The following CD59 variants were observed in gnomAD, a reference collection of about 807,000 sequenced individuals.
CD59 encodes CD59 molecule (CD59 blood group), also known as CD59 glycoprotein.
A neutral mutation model predicts 7.0 loss-of-function variants in CD59; 3 were observed. That is an observed-to-expected ratio of 0.43 (90% CI 0.19 to 1.10). CD59 has a LOEUF of 1.10. CD59 is among the 50% of genes least tolerant of loss of function. CD59 has a pLI of 0.29. For missense variants in CD59, 143 were observed against 151.0 expected, an observed-to-expected ratio of 0.95 and a Z score of 0.28; for synonymous variants, 60 against 62.0, an observed-to-expected ratio of 0.97 and a Z score of 0.15.
intron 3 of CD59, among the ~76,000 whole-genome samples, chr11:33,713,536 C>G (rs114245865): frequency 0.021 from 3,199 of 152,224 alleles, 98 homozygotes; most frequent in African/African-American, 0.071. Flanking sequence ...AGAAATGGCT[C>G]TAGTTGCTGA....
rs552654570 is a variant in CD59, at chr11:33,720,562, T to TA, written c.67+1816dup. Among the ~76,000 whole-genome samples the TA allele has an allele frequency of 1.7e-3, 258 of 150,184 alleles. 6 individuals are homozygous for TA. In the South Asian group the frequency reaches 0.051, roughly 30 times the overall value. ...AAAAATACAAAAATTAAAAAGTAAA[T>TA]AAAAAAAAATACAAAAATTAGCCAG... On this transcript the variant is annotated intron_variant, in intron 2 of 3. Coordinates refer to ENST00000642928, the MANE Select transcript of CD59 (RefSeq NM_000611.6).
rs41275166 is a variant in CD59, at chr11:33,722,708, T to C, written c.-18-245A>G. The C allele has an allele frequency of 0.02, 25,608 of 1,292,598 alleles. 328 individuals carry two copies. Among genetic ancestry groups the C allele is most frequent in the Non-Finnish European group, 0.023 (23,174 of 1,005,890 alleles). 80.1% of individuals were successfully genotyped at this position (1,292,598 alleles called of 1,614,324 possible). On this transcript the variant is annotated intron_variant, in intron 1 of 3. Transcript: ENST00000642928. ...TGTGGGAATAACACTATCTTCCCCA[T>C]CAGGGTCAGTGAGTCAAATGACAAT...
intron 3 of CD59, among the ~76,000 whole-genome samples, chr11:33,713,087 G>A (rs1853635502): frequency 6.6e-6 from 1 of 151,968 alleles, no homozygotes; most frequent in African/African-American, 2.4e-5. Context: ...CCCATTTTTG[G>A]AAAAATAGCC....
chr11:33,734,669 C>T (rs1009332455), intron 1 of CD59, among the ~76,000 whole-genome samples: 10 of 152,248 alleles, frequency 6.6e-5, no homozygotes, highest in Admixed American at 3.9e-4. Flanking sequence ...TCCGCACTCA[C>T]GGCCCCTCCC....
chr11:33,726,049 C>A (rs1051224663), intron 1 of CD59, among the ~76,000 whole-genome samples: 1 of 152,160 alleles, frequency 6.6e-6, no homozygotes, highest in Admixed American at 6.5e-5. Flanking sequence ...TAGAGACCTA[C>A]AAAGAGACTT....
chr11:33,722,889 TG>T, intron 1 of CD59: 1 of 1,024,998 alleles, frequency 9.8e-7, no homozygotes, highest in Non-Finnish European at 1.2e-6. Context: ...CATTCAGCAG[TG>T]GAACAGGGAG....
At chr11:33,735,033 C>T (rs1854525216) in intron 1 of CD59, among the ~76,000 whole-genome samples, 1 of 152,190 alleles carries the variant, frequency 6.6e-6, no homozygotes, top group African/African-American at 2.4e-5. Flanking sequence ...AATACAGAGG[C>T]CACAAGTTTT....
Position 33,707,242 on chromosome 11 carries a change from A to T in CD59, c.*2884T>A, listed in dbSNP as rs1853347613. The stretch of plus-strand genomic sequence containing the variant: ...AACTAATGCGAGCTAGTAGACTTTG[A>T]ACACTGCTAAAGAACTTACCAAGAG... On this transcript the variant is annotated 3_prime_UTR_variant, in exon 4 of 4. Coordinates refer to ENST00000642928, the MANE Select transcript of CD59 (RefSeq NM_000611.6). 1 of 152,218 alleles carries T rather than the reference A, an allele frequency of 6.6e-6. No homozygotes were observed. The highest frequency in any genetic ancestry group is 6.5e-5 in the Admixed American group (1 of 15,290). The allele number at this position is 152,218 out of a possible 1,614,324, so 9.4% of individuals were successfully genotyped here.
rs535139251 is a variant in CD59, at chr11:33,725,581, TGAAG to T, written c.-18-3122_-18-3119del. Among the ~76,000 whole-genome samples the T allele has an allele frequency of 2.4e-3, 372 of 152,292 alleles. 1 individual carries two copies. The highest frequency in any genetic ancestry group is 3.2e-3 in the Non-Finnish European group (215 of 68,022). On this transcript the variant is annotated intron_variant, in intron 1 of 3. Coordinates refer to ENST00000642928, the MANE Select transcript of CD59 (RefSeq NM_000611.6). ...TGTAGGAACAAGTCTTCCCCCATGA[TGAAG>T]GAACGGCAGGCTTTCCTGGGTGGTG... is the stretch of plus-strand genomic sequence containing the variant.
chr11:33,729,310 G>A (rs1854346260), intron 1 of CD59, among the ~76,000 whole-genome samples: 1 of 152,144 alleles, frequency 6.6e-6, no homozygotes, highest in Admixed American at 6.5e-5. Flanking sequence ...TATACACCAT[G>A]GAATACTATG....
rs930477094 is a variant in CD59 at position 33,706,692 on chromosome 11, T to C, written c.*3434A>G. 2 of 152,162 alleles carry C rather than the reference T, an allele frequency of 1.3e-5. No individual in the cohort carries two copies. Among genetic ancestry groups the C allele is most frequent in the African/African-American group, 4.8e-5 (2 of 41,428 alleles). 9.4% of individuals were successfully genotyped at this position (152,162 alleles called of 1,614,324 possible). A position where few individuals can be genotyped will look rare whatever the true frequency, so the allele number is the denominator to read the frequency against. On this transcript the variant is annotated 3_prime_UTR_variant, in exon 4 of 4. Coordinates refer to ENST00000642928, the MANE Select transcript of CD59 (RefSeq NM_000611.6). ...AAATATCTACAAGAAGTAGCAGGCA[T>C]TGAGAAACAGATGGGAAGATAGTGT...
rs894113327 is a variant in CD59, at chr11:33,706,765, A to G, written c.*3361T>C. ...AGGAAGGCCTAACTACGTCCTGTTC[A>G]CCTCATGCTATTGGGTAACTTTCCA... is the stretch of plus-strand genomic sequence containing the variant. On this transcript the variant is annotated 3_prime_UTR_variant, in exon 4 of 4. Coordinates refer to ENST00000642928, the MANE Select transcript of CD59 (RefSeq NM_000611.6). The G allele has an allele frequency of 6.6e-6, 1 of 152,194 alleles. No individual in the cohort carries two copies. The highest frequency in any genetic ancestry group is 2.4e-5 in the African/African-American group (1 of 41,436). 9.4% of individuals were successfully genotyped at this position (152,194 alleles called of 1,614,324 possible).
chr11:33,725,693 T>C (rs1018052974), intron 1 of CD59, among the ~76,000 whole-genome samples: 1 of 152,104 alleles, frequency 6.6e-6, no homozygotes, highest in South Asian at 2.1e-4. Flanking sequence ...GTCAAGGGCA[T>C]ACAAACATTC....
At position 33,705,522 on chromosome 11, in the gene CD59, C is replaced by T. The variant is rs570990146; in HGVS notation, c.*4604G>A. ...CTTGGACATCAGACTCCAGGTTCTT[C>T]AGCCTTTGGAATCTAGGACTTGCAC... On this transcript the variant is annotated 3_prime_UTR_variant, in exon 4 of 4. Transcript: ENST00000642928. The T allele has an allele frequency of 6.6e-6, 1 of 152,386 alleles. No individual in the cohort carries two copies. Among genetic ancestry groups the T allele is most frequent in the East Asian group, 1.9e-4 (1 of 5,186 alleles). 9.4% of individuals were successfully genotyped at this position (152,386 alleles called of 1,614,324 possible).
chr11:33,714,887 G>A (rs1853718297), intron 3 of CD59, among the ~76,000 whole-genome samples: 1 of 151,366 alleles, frequency 6.6e-6, no homozygotes, highest in African/African-American at 2.4e-5. Context: ...TCCTAGGAGA[G>A]CAATGCCTTC....
At chr11:33,729,178 A>G (rs1854342074) in intron 1 of CD59, among the ~76,000 whole-genome samples, 1 of 152,246 alleles carries the variant, frequency 6.6e-6, no homozygotes, top group Non-Finnish European at 1.5e-5. Context: ...AGGATTATAA[A>G]TCATTCTACT....
In CD59 at chr11:33,709,975, A is replaced by G; in HGVS notation, c.*151T>C. ...AGGACTGGTCTTCAAAGTCTCCCAG[A>G]GCCCCTCTATCTTAGCCAGGTTGCT... On this transcript the variant is annotated 3_prime_UTR_variant, in exon 4 of 4. Coordinates refer to ENST00000642928, the MANE Select transcript of CD59 (RefSeq NM_000611.6). 1 of 709,992 alleles carries G rather than the reference A, an allele frequency of 1.4e-6. No individual in the cohort carries two copies. Among genetic ancestry groups the G allele is most frequent in the African/African-American group, 1.8e-5 (1 of 57,068 alleles). 44.0% of individuals were successfully genotyped at this position (709,992 alleles called of 1,614,324 possible).
At chr11:33,733,607 G>A in intron 1 of CD59, 1 of 151,718 alleles carries the variant, frequency 6.6e-6, no homozygotes. Flanking sequence ...GCAACAGAGA[G>A]AGACTGTCTC....
At chr11:33,710,375 T>A in intron 3 of CD59, 32 bp from the exon 4 acceptor site, 1 of 1,540,904 alleles carries the variant, frequency 6.5e-7, no homozygotes, top group Non-Finnish European at 9.0e-7. Flanking sequence ...GGTAAGAAAG[T>A]AAGTGGGAAG....
Sources: allele counts gnomAD v4.1 joint callset (sites outside exome capture counted in the v4.1 genomes callset), GRCh38; gene constraint gnomAD v4.1.1; transcripts MANE v1.5; gene names NCBI Gene and HGNC (gene_info 2026-07-23, HGNC 2026-07-21).